Variants in PCCA observed in about 807,000 individuals in gnomAD.
PCCA encodes propionyl-CoA carboxylase subunit alpha, also known as propionyl-CoA carboxylase alpha chain, mitochondrial.
Under a neutral mutation model 101.3 loss-of-function variants are expected in PCCA, and 74 were observed. The observed-to-expected ratio is 0.73, with a 90% CI of 0.61 to 0.89. The LOEUF is 0.89. PCCA is among the 40% of genes least tolerant of loss of function. PCCA has a pLI of 0.00. For synonymous variants in PCCA, 294 were observed against 313.6 expected (o/e 0.94, Z 0.66); for missense variants, 891 against 907.0 (o/e 0.98, Z 0.23).
chr13:100,277,774 C>T (rs531732468), intron 12 of PCCA, among the ~76,000 whole-genome samples: 1 of 152,038 alleles, frequency 6.6e-6, no homozygotes, highest in East Asian at 1.9e-4. Context: ...AAGAGTATAC[C>T]CTAGAAGGAG....
intron 7 of PCCA, among the ~76,000 whole-genome samples, chr13:100,223,144 G>A (rs1007222508): frequency 6.6e-6 from 1 of 151,320 alleles, no homozygotes. Flanking sequence ...ATTGGAGACA[G>A]GAATTGGGAT....
chr13:100,268,477 A>T (rs190423715), intron 10 of PCCA: 3 of 617,642 alleles, frequency 4.9e-6, no homozygotes, highest in African/African-American at 1.8e-5. Context: ...CTTTTTCCTC[A>T]AATCTTTTTG....
chr13:100,115,672 A>G (rs2152287904), intron 4 of PCCA, among the ~76,000 whole-genome samples: 1 of 152,278 alleles, frequency 6.6e-6, no homozygotes, highest in Non-Finnish European at 1.5e-5. Flanking sequence ...ATGGCGCATG[A>G]TTGAATTCTG....
intron 21 of PCCA, among the ~76,000 whole-genome samples, chr13:100,451,384 C>T (rs545669610): frequency 6.6e-6 from 1 of 152,146 alleles, no homozygotes. Context: ...AATTATGCAT[C>T]TTTTCATGCA....
At chr13:100,150,686 G>C (rs2053202130) in intron 4 of PCCA, 1 of 1,489,702 alleles carries the variant, frequency 6.7e-7, no homozygotes, top group Non-Finnish European at 9.2e-7. Flanking sequence ...TTTATGGAAT[G>C]GATCAGTGAG....
Position 100,240,251 on chromosome 13 carries a change from T to C in PCCA, c.637+4373T>C, listed in dbSNP as rs567292635. Among the ~76,000 whole-genome samples the C allele has an allele frequency of 3.3e-5, 5 of 152,282 alleles. No individual in the cohort carries two copies. In the South Asian group the frequency reaches 1.0e-3, roughly 32 times the overall value. ...TTCTTTACTCTGACTACTATCCCTATGTAATTTGACACCTGCTTTTCTCTC... is the reference window on the plus strand; with the variant it reads ...TTCTTTACTCTGACTACTATCCCTACGTAATTTGACACCTGCTTTTCTCTC... On this transcript the variant is annotated intron_variant, in intron 8 of 23. Transcript: ENST00000376285.
intron 4 of PCCA, among the ~76,000 whole-genome samples, chr13:100,148,157 A>C (rs1314808881): frequency 2.0e-5 from 3 of 152,072 alleles, no homozygotes; most frequent in African/African-American, 7.2e-5. Flanking sequence ...GCAGTGGTGG[A>C]ATCACAGCTC....
At chr13:100,164,541 C>T (rs1036893650) in intron 6 of PCCA, among the ~76,000 whole-genome samples, 1 of 152,170 alleles carries the variant, frequency 6.6e-6, no homozygotes, top group African/African-American at 2.4e-5. Context: ...GACTCCTTGA[C>T]TCTTATGTAG....
intron 4 of PCCA, among the ~76,000 whole-genome samples, chr13:100,118,630 G>T (rs775915863): frequency 7.2e-5 from 11 of 151,976 alleles, no homozygotes; most frequent in Non-Finnish European, 1.3e-4. Flanking sequence ...ACTCACTGCA[G>T]CCTGACTTCC....
intron 23 of PCCA, among the ~76,000 whole-genome samples, chr13:100,529,770 A>G (rs2088224404): frequency 6.6e-6 from 1 of 152,206 alleles, no homozygotes; most frequent in Admixed American, 6.5e-5. Flanking sequence ...CTCACCTGGC[A>G]GTGAAGAGCC....
chr13:100,290,564 A>G (rs1049893551), intron 12 of PCCA, among the ~76,000 whole-genome samples: 1 of 152,090 alleles, frequency 6.6e-6, no homozygotes, highest in South Asian at 2.1e-4. Context: ...CAACCAGGAT[A>G]TGCCTTGGTT....
chr13:100,148,185 C>T (rs1452448541), intron 4 of PCCA, among the ~76,000 whole-genome samples: 1 of 152,086 alleles, frequency 6.6e-6, no homozygotes, highest in African/African-American at 2.4e-5. Flanking sequence ...CCTTAGCCTC[C>T]ACTTGGGAAG....
intron 21 of PCCA, among the ~76,000 whole-genome samples, chr13:100,509,187 A>T (rs1206391187): frequency 2.0e-5 from 3 of 152,184 alleles, no homozygotes; most frequent in Non-Finnish European, 2.9e-5. Flanking sequence ...TGCACTTGCC[A>T]GTAGACGGAT....
chr13:100,330,727 T>C lies in PCCA; in HGVS notation c.1540+56T>C, dbSNP rs377227001. ...TAAAGTTGTTATTTTTATACTTTATTGTAATACATAATTTCACTCTATTTT... is the reference window on the plus strand; with the variant it reads ...TAAAGTTGTTATTTTTATACTTTATCGTAATACATAATTTCACTCTATTTT... On this transcript the variant is annotated intron_variant, in intron 17 of 23. Transcript: ENST00000376285. The C allele has an allele frequency of 2.2e-5, 22 of 1,005,274 alleles. No homozygotes were observed. The East Asian group carries it at 3.8e-4, about 18-fold the overall frequency. The allele number at this position is 1,005,274 out of a possible 1,614,324, so 62.3% of individuals were successfully genotyped here. A position where few individuals can be genotyped will look rare whatever the true frequency, so the allele number is the denominator to read the frequency against.
intron 8 of PCCA, among the ~76,000 whole-genome samples, chr13:100,238,478 T>C (rs2060939160): frequency 6.6e-6 from 1 of 152,206 alleles, no homozygotes; most frequent in Admixed American, 6.5e-5. Flanking sequence ...TTCTTCTAAT[T>C]CTTCCCCAAT....
At chr13:100,142,338 T>G (rs2051973013) in intron 4 of PCCA, among the ~76,000 whole-genome samples, 2 of 152,176 alleles carry the variant, frequency 1.3e-5, no homozygotes, top group South Asian at 4.1e-4. Flanking sequence ...ATTCAACCAT[T>G]CAGTTTTTCC....
At chr13:100,138,806 G>C (rs1481190974) in intron 4 of PCCA, among the ~76,000 whole-genome samples, 2 of 151,726 alleles carry the variant, frequency 1.3e-5, no homozygotes, top group Admixed American at 1.3e-4. Flanking sequence ...GCAGTGGTAG[G>C]CGTCTGTAAT....
chr13:100,108,787 G>A (rs1235707452), intron 2 of PCCA, among the ~76,000 whole-genome samples: 3 of 152,228 alleles, frequency 2.0e-5, no homozygotes, highest in African/African-American at 7.2e-5. Context: ...TATAGGCATA[G>A]CCTACCTGGA....
chr13:100,125,547 G>A (rs1223729532), intron 4 of PCCA, among the ~76,000 whole-genome samples: 1 of 152,126 alleles, frequency 6.6e-6, no homozygotes, highest in South Asian at 2.1e-4. Context: ...TTTAAAACTT[G>A]CTATTGCTCA....
Sources: allele counts gnomAD v4.1 joint callset (sites outside exome capture counted in the v4.1 genomes callset), GRCh38; gene constraint gnomAD v4.1.1; transcripts MANE v1.5; gene names NCBI Gene and HGNC (gene_info 2026-07-23, HGNC 2026-07-21).